The following RAB3B variants were observed in gnomAD, a reference collection of about 807,000 sequenced individuals.
RAB3B encodes the protein ras-related protein Rab-3B.
RAB3B carries 11 observed loss-of-function variants against 20.5 expected under a neutral mutation model. That is an observed-to-expected ratio of 0.54 (90% CI 0.34 to 0.89). The LOEUF is 0.89. Among genes scored for constraint, RAB3B ranks in the 40% least tolerant of loss-of-function variants. The pLI is 0.02. For missense variants in RAB3B, 225 were observed against 280.9 expected (o/e 0.80, Z 1.42); for synonymous variants, 99 against 106.3 (o/e 0.93, Z 0.42).
intron 1 of RAB3B, among the ~76,000 whole-genome samples, chr1:51,977,580 T>C (rs1685027571): frequency 6.6e-6 from 1 of 151,838 alleles, no homozygotes; most frequent in Admixed American, 6.6e-5. Context: ...AGGAAGCAGC[T>C]CCTGAGCTAT....
rs562471212 is a variant in RAB3B at position 51,956,140 on chromosome 1, C to T, written c.229-18728G>A. Among the ~76,000 whole-genome samples the T allele has an allele frequency of 3.9e-5, 6 of 152,294 alleles. No homozygotes were observed. In the South Asian group the frequency reaches 1.2e-3, roughly 32 times the overall value. The stretch of plus-strand genomic sequence containing the variant: ...TCCTACCACTAACTTGCTTTGTGGG[C>T]TTATGAATACTGTGCACCCTGCGCC... On this transcript the variant is annotated intron_variant, in intron 2 of 4. Coordinates refer to ENST00000371655, the MANE Select transcript of RAB3B (RefSeq NM_002867.4).
intron 1 of RAB3B, among the ~76,000 whole-genome samples, chr1:51,989,101 G>GCACACACACACACA (rs1553232373): frequency 2.7e-3 from 65 of 24,048 alleles, no homozygotes; most frequent in East Asian, 5.3e-3. Flanking sequence ...ACCTGTGCGC[G>GCACACACACACACA]CGCACACACA....
intron 2 of RAB3B, among the ~76,000 whole-genome samples, chr1:51,974,779 C>T (rs985074298): frequency 1.3e-5 from 2 of 152,120 alleles, no homozygotes; most frequent in Admixed American, 6.5e-5. Flanking sequence ...TAAAGTAGTA[C>T]CTACTTCATA....
rs1253476923 is a variant in RAB3B, at chr1:51,936,604, T to C, written c.347+690A>G. ...AACACTCGCACCTACCTTCTCACCTTTGCACATCTGTACTCATTTTCTGGA... is the reference window on the plus strand; with the variant it reads ...AACACTCGCACCTACCTTCTCACCTCTGCACATCTGTACTCATTTTCTGGA... On this transcript the variant is annotated intron_variant, in intron 3 of 4. Transcript: ENST00000371655. Among the ~76,000 whole-genome samples the C allele has an allele frequency of 5.3e-5, 8 of 152,270 alleles. 1 individual carries two copies. In the South Asian group the frequency reaches 6.2e-4, roughly 12 times the overall value.
At chr1:51,937,501 C>T (rs1041118563) in intron 2 of RAB3B, 89 bp from the exon 3 acceptor site, 1 of 860,624 alleles carries the variant, frequency 1.2e-6, no homozygotes, top group Non-Finnish European at 1.7e-6. Context: ...TAACCCAAGA[C>T]ATTTTTTTTT....
chr1:51,947,024 C>T (rs1173172390), intron 2 of RAB3B, among the ~76,000 whole-genome samples: 1 of 152,052 alleles, frequency 6.6e-6, no homozygotes, highest in Non-Finnish European at 1.5e-5. Context: ...TTTGAGTCCC[C>T]AGTTGATATA....
intron 3 of RAB3B, among the ~76,000 whole-genome samples, chr1:51,936,590 C>T (rs1236901192): frequency 6.6e-6 from 1 of 152,186 alleles, no homozygotes; most frequent in African/African-American, 2.4e-5. Context: ...ACACTCGCAC[C>T]TACCTTCTCA....
intron 2 of RAB3B, among the ~76,000 whole-genome samples, chr1:51,968,044 G>A (rs964823596): frequency 6.6e-6 from 1 of 152,136 alleles, no homozygotes; most frequent in South Asian, 2.1e-4. Flanking sequence ...CAGAGAGGTT[G>A]GAAGATGTTC....
intron 2 of RAB3B, among the ~76,000 whole-genome samples, chr1:51,967,379 A>G (rs909134989): frequency 2.6e-5 from 4 of 152,000 alleles, no homozygotes; most frequent in African/African-American, 4.8e-5. Context: ...CTCTAAATTC[A>G]CAGGCTTGTT....
rs552092796 is a variant in RAB3B at position 51,923,343 on chromosome 1, G to T, written c.473-3229C>A. On this transcript the variant is annotated intron_variant, in intron 4 of 4. Coordinates refer to ENST00000371655, the MANE Select transcript of RAB3B (RefSeq NM_002867.4). ...TAGAGGAAACCAGAGGCCATGCAGGGATGCAGGAGAGGGAGAGGCTGGCAG... is the reference window on the plus strand; with the variant it reads ...TAGAGGAAACCAGAGGCCATGCAGGTATGCAGGAGAGGGAGAGGCTGGCAG... Among the ~76,000 whole-genome samples the T allele has an allele frequency of 1.6e-4, 25 of 152,300 alleles. No individual in the cohort carries two copies. In the East Asian group the frequency reaches 2.3e-3, roughly 14 times the overall value.
In RAB3B at chr1:51,913,197, G is replaced by A. The variant is rs1218599726; in HGVS notation, c.*6730C>T. 1 of 152,108 alleles carries A rather than the reference G, an allele frequency of 6.6e-6. No individual in the cohort carries two copies. The highest frequency in any genetic ancestry group is 1.5e-5 in the Non-Finnish European group (1 of 68,022). The allele number at this position is 152,108 out of a possible 1,614,324, so 9.4% of individuals were successfully genotyped here. A position where few individuals can be genotyped will look rare whatever the true frequency, so the allele number is the denominator to read the frequency against. The stretch of plus-strand genomic sequence containing the variant: ...GGGGATAGCTAAGAGGTATCCAAAT[G>A]GACTGTTTAACAAGCATCAAAACTT... On this transcript the variant is annotated 3_prime_UTR_variant, in exon 5 of 5. Coordinates refer to ENST00000371655, the MANE Select transcript of RAB3B (RefSeq NM_002867.4).
At position 51,911,221 on chromosome 1, in the gene RAB3B, G is replaced by A. The variant is rs1683993048; in HGVS notation, c.*8706C>T. On this transcript the variant is annotated 3_prime_UTR_variant, in exon 5 of 5. Coordinates refer to ENST00000371655, the MANE Select transcript of RAB3B (RefSeq NM_002867.4). ...GGAAACTTTGCCTGTGCTGTCATCA[G>A]TGTCCATGGAGAACTGCTTCTCACC... The A allele has an allele frequency of 6.6e-6, 1 of 152,234 alleles. No individual in the cohort carries two copies. The highest frequency in any genetic ancestry group is 2.1e-4 in the South Asian group (1 of 4,836). The allele number at this position is 152,234 out of a possible 1,614,324, so 9.4% of individuals were successfully genotyped here. A position where few individuals can be genotyped will look rare whatever the true frequency, so the allele number is the denominator to read the frequency against.
At chr1:51,970,887 T>C (rs2124303168) in intron 2 of RAB3B, among the ~76,000 whole-genome samples, 1 of 151,590 alleles carries the variant, frequency 6.6e-6, no homozygotes, top group African/African-American at 2.4e-5. Flanking sequence ...GGCTGGGACC[T>C]GTAGCCCCAG....
At chr1:51,932,083 A>G (rs1055618349) in intron 4 of RAB3B, among the ~76,000 whole-genome samples, 3 of 152,156 alleles carry the variant, frequency 2.0e-5, no homozygotes, top group African/African-American at 7.2e-5. Context: ...TTAAGCACTT[A>G]TAGTTTGCTA....
At chr1:51,949,177 T>C (rs886327037) in intron 2 of RAB3B, among the ~76,000 whole-genome samples, 10 of 152,242 alleles carry the variant, frequency 6.6e-5, no homozygotes, top group Non-Finnish European at 1.3e-4. Context: ...CCTTAACTAC[T>C]TGTGGTTTCC....
chr1:51,945,754 C>T (rs1684555913), intron 2 of RAB3B, among the ~76,000 whole-genome samples: 1 of 152,226 alleles, frequency 6.6e-6, no homozygotes, highest in Non-Finnish European at 1.5e-5. Context: ...CTACCCAGGG[C>T]TGCCTCCAGC....
Position 51,916,523 on chromosome 1 carries a change from A to G in RAB3B, c.*3404T>C, listed in dbSNP as rs1285130916. The G allele has an allele frequency of 6.6e-6, 1 of 152,256 alleles. No homozygotes were observed. Among genetic ancestry groups the G allele is most frequent in the Non-Finnish European group, 1.5e-5 (1 of 68,054 alleles). 9.4% of individuals were successfully genotyped at this position (152,256 alleles called of 1,614,324 possible). ...ACACTGTATACAATGTTACAGTGTA[A>G]AAATCACACCCAGAACCACTGCCCT... On this transcript the variant is annotated 3_prime_UTR_variant, in exon 5 of 5. Coordinates refer to ENST00000371655, the MANE Select transcript of RAB3B (RefSeq NM_002867.4).
In RAB3B at chr1:51,918,275, A is replaced by T. The variant is rs1430776430; in HGVS notation, c.*1652T>A. The T allele has an allele frequency of 6.6e-6, 1 of 152,188 alleles. No individual in the cohort carries two copies. The highest frequency in any genetic ancestry group is 1.5e-5 in the Non-Finnish European group (1 of 68,036). 9.4% of individuals were successfully genotyped at this position (152,188 alleles called of 1,614,324 possible). A position where few individuals can be genotyped will look rare whatever the true frequency, so the allele number is the denominator to read the frequency against. On this transcript the variant is annotated 3_prime_UTR_variant, in exon 5 of 5. Transcript: ENST00000371655. Reference sequence around the variant, plus strand: ...ATTTTTTCAGAGTCATGCCACCTTAAGATTTATTTTGCTTTGAATCATACT... The same window carrying T: ...ATTTTTTCAGAGTCATGCCACCTTATGATTTATTTTGCTTTGAATCATACT...
chr1:51,935,428 G>A (rs1182728077), intron 3 of RAB3B, among the ~76,000 whole-genome samples: 1 of 152,144 alleles, frequency 6.6e-6, no homozygotes, highest in Non-Finnish European at 1.5e-5. Context: ...AAAACTCAAA[G>A]GCCAGGGCTT....
Sources: gnomAD v4.1 joint callset for allele counts (sites outside exome capture counted in the v4.1 genomes callset) on GRCh38, gnomAD v4.1.1 for gene constraint, MANE v1.5 for transcripts, NCBI Gene and HGNC (gene_info 2026-07-23, HGNC 2026-07-21) for gene names.